Variants in NCKAP5 observed in about 807,000 individuals in gnomAD.
The protein encoded by NCKAP5 is NCK associated protein 5, also known as nck-associated protein 5.
In NCKAP5, 92 loss-of-function variants were observed where a neutral mutation model predicts 167.0. The observed-to-expected ratio is 0.55, with a 90% CI of 0.47 to 0.66. NCKAP5 has a LOEUF of 0.66. NCKAP5 is among the 30% of genes least tolerant of loss of function. The probability of loss-of-function intolerance (pLI) is 0.00; values close to 1 mark genes in which losing one functional copy is unlikely to be tolerated. For synonymous variants in NCKAP5, 891 were observed against 877.4 expected (o/e 1.02, Z -0.27); for missense variants, 2,378 against 2,315.0 (o/e 1.03, Z -0.56).
intron 19 of NCKAP5, among the ~76,000 whole-genome samples, chr2:132,708,010 C>T (rs186462656): frequency 2.6e-5 from 4 of 152,248 alleles, no homozygotes; most frequent in Admixed American, 2.6e-4. Flanking sequence ...CCAGATTAAT[C>T]ACCTTCTGAC....
chr2:132,796,105 T>C (rs1353343289), intron 12 of NCKAP5, among the ~76,000 whole-genome samples: 1 of 152,216 alleles, frequency 6.6e-6, no homozygotes, highest in East Asian at 1.9e-4. Flanking sequence ...GTTCATGTCA[T>C]TGTTTTAAGC....
At position 132,860,560 on chromosome 2, in the gene NCKAP5, GT is replaced by G; in HGVS notation, c.738del (p.Glu246AspfsTer7). The G allele has an allele frequency of 6.3e-7, 1 of 1,587,440 alleles. No homozygotes were observed. The highest frequency in any genetic ancestry group is 8.6e-7 in the Non-Finnish European group (1 of 1,164,946). On this transcript the variant is annotated frameshift_variant, in exon 11 of 20. Transcript: ENST00000409261. LOFTEE classifies it high-confidence loss of function. ...AGGATGCTTAGTGTTCGATTCTGCT[GT>G]TCCAAATCAAACACTCTTGTTTTCA... ...VKLKTRVFDL[E>X]QQNRTLSILF...
chr2:133,607,525 G>A, the NCKAP5 span, among the ~76,000 whole-genome samples: 1 of 152,146 alleles, frequency 6.6e-6, no homozygotes, highest in Admixed American at 6.5e-5. Context: ...AGACAACACT[G>A]GATTAAGATT....
intron 5 of NCKAP5, among the ~76,000 whole-genome samples, chr2:133,139,927 C>A (rs1574154520): frequency 1.3e-5 from 2 of 152,028 alleles, no homozygotes; most frequent in East Asian, 3.9e-4. Flanking sequence ...TATCAATAGT[C>A]AACTGCCTAA....
chr2:133,621,351 G>C, the NCKAP5 span, among the ~76,000 whole-genome samples: 5 of 151,972 alleles, frequency 3.3e-5, no homozygotes, highest in African/African-American at 1.2e-4. Context: ...TCTTTGAAAA[G>C]ATAAATAAAA....
the NCKAP5 span, among the ~76,000 whole-genome samples, chr2:133,616,706 T>C: frequency 2.6e-5 from 4 of 151,824 alleles, no homozygotes; most frequent in South Asian, 4.2e-4. Context: ...GATTCACAGC[T>C]GAATTCTACC....
intron 4 of NCKAP5, among the ~76,000 whole-genome samples, chr2:133,277,843 T>C (rs1014360459): frequency 6.6e-6 from 1 of 152,132 alleles, no homozygotes; most frequent in Non-Finnish European, 1.5e-5. Flanking sequence ...CAATTATCTA[T>C]GGACATTCAA....
intron 5 of NCKAP5, among the ~76,000 whole-genome samples, chr2:133,202,022 T>G (rs2085716434): frequency 6.6e-6 from 1 of 151,906 alleles, no homozygotes; most frequent in African/African-American, 2.4e-5. Context: ...CTTCACAGAG[T>G]TGGAAAAAAC....
At chr2:133,643,033 T>C in the NCKAP5 span, among the ~76,000 whole-genome samples, 2 of 152,050 alleles carry the variant, frequency 1.3e-5, no homozygotes, top group Admixed American at 6.5e-5. Flanking sequence ...GAATGAGAAA[T>C]GACATCAGTT....
At chr2:133,588,290 C>T in the NCKAP5 span, among the ~76,000 whole-genome samples, 16 of 134,184 alleles carry the variant, frequency 1.2e-4, no homozygotes, top group African/African-American at 4.0e-4. Flanking sequence ...TCTCTCCCTA[C>T]CTCTCGTCTT....
chr2:133,620,072 A>G, the NCKAP5 span, among the ~76,000 whole-genome samples: 1 of 152,056 alleles, frequency 6.6e-6, no homozygotes, highest in Non-Finnish European at 1.5e-5. Flanking sequence ...GCTACTACCA[A>G]GCCTGCTAAA....
At chr2:133,641,755 T>C in the NCKAP5 span, among the ~76,000 whole-genome samples, 2 of 152,158 alleles carry the variant, frequency 1.3e-5, no homozygotes, top group Non-Finnish European at 2.9e-5. Context: ...CTAGAGGGAG[T>C]GGCAAGACTT....
At position 133,124,242 on chromosome 2, in the gene NCKAP5, C is replaced by T. The variant is rs1015622664; in HGVS notation, c.341+5736G>A. Among the ~76,000 whole-genome samples the T allele has an allele frequency of 2.2e-4, 33 of 152,262 alleles. 1 individual carries two copies. Among genetic ancestry groups the T allele is most frequent in the African/African-American group, 7.5e-4 (31 of 41,536 alleles). ...GTGGGTGATTTTTAACTATCCTGGT[C>T]AAATATGGGTGGCAAACCTTAATTA... On this transcript the variant is annotated intron_variant, in intron 6 of 19. Coordinates refer to ENST00000409261, the MANE Select transcript of NCKAP5 (RefSeq NM_207363.3).
chr2:133,577,625 T>G, the NCKAP5 span, among the ~76,000 whole-genome samples: 1 of 152,144 alleles, frequency 6.6e-6, no homozygotes, highest in Non-Finnish European at 1.5e-5. Context: ...CATTAACTCG[T>G]CATTTAGCAT....
At chr2:133,195,211 G>C (rs972274482) in intron 5 of NCKAP5, among the ~76,000 whole-genome samples, 3 of 152,076 alleles carry the variant, frequency 2.0e-5, no homozygotes, top group Non-Finnish European at 2.9e-5. Context: ...ACAAAATCAA[G>C]ACACTCAGGT....
chr2:133,604,396 G>T, the NCKAP5 span, among the ~76,000 whole-genome samples: 1 of 151,966 alleles, frequency 6.6e-6, no homozygotes, highest in South Asian at 2.1e-4. Context: ...AGTAGAGATG[G>T]GGTTTCACCA....
At chr2:132,707,097 G>A (rs1688432492) in intron 19 of NCKAP5, among the ~76,000 whole-genome samples, 1 of 152,208 alleles carries the variant, frequency 6.6e-6, no homozygotes, top group Non-Finnish European at 1.5e-5. Flanking sequence ...TCAACTTCAT[G>A]TAACTGAAAG....
chr2:133,626,791 C>A, the NCKAP5 span, among the ~76,000 whole-genome samples: 1 of 151,772 alleles, frequency 6.6e-6, no homozygotes, highest in African/African-American at 2.4e-5. Context: ...TTAAAATGGG[C>A]AATAGATACA....
intron 8 of NCKAP5, among the ~76,000 whole-genome samples, chr2:132,888,307 T>C (rs1692414319): frequency 6.6e-6 from 1 of 152,182 alleles, no homozygotes; most frequent in Non-Finnish European, 1.5e-5. Flanking sequence ...TATAGACAAA[T>C]GAGAAATTAA....
Sources: allele counts gnomAD v4.1 joint callset (sites outside exome capture counted in the v4.1 genomes callset), GRCh38; gene constraint gnomAD v4.1.1; transcripts MANE v1.5; gene names NCBI Gene and HGNC (gene_info 2026-07-23, HGNC 2026-07-21).